The following MAGI2 variants were observed in gnomAD, a reference collection of about 807,000 sequenced individuals.
MAGI2 encodes membrane-associated guanylate kinase, WW and PDZ domain-containing protein 2.
MAGI2 carries 35 observed loss-of-function variants against 133.3 expected under a neutral mutation model. The observed-to-expected ratio is 0.26, with a 90% confidence interval of 0.20 to 0.35. The LOEUF is 0.35. MAGI2 is among the 10% of genes least tolerant of loss of function. MAGI2 has a pLI of 1.00. For synonymous variants in MAGI2, 729 were observed against 710.6 expected (o/e 1.03, Z -0.41); for missense variants, 1,636 against 1,863.4 (o/e 0.88, Z 2.25).
intron 1 of MAGI2, among the ~76,000 whole-genome samples, chr7:79,316,456 T>A (rs557287692): frequency 6.6e-6 from 1 of 152,172 alleles, no homozygotes; most frequent in African/African-American, 2.4e-5. Context: ...TACACACACA[T>A]ATATGTGCAC....
At chr7:78,153,390 G>C (rs569436556) in intron 16 of MAGI2, among the ~76,000 whole-genome samples, 1 of 152,192 alleles carries the variant, frequency 6.6e-6, no homozygotes, top group African/African-American at 2.4e-5. Flanking sequence ...AGGACCAGGC[G>C]TAGAGCCTCC....
chr7:78,208,135 C>CTTTTTTTTT (rs71085515), intron 10 of MAGI2, among the ~76,000 whole-genome samples: 1 of 115,588 alleles, frequency 8.7e-6, no homozygotes. Context: ...CCCAAAGTGG[C>CTTTTTTTTT]TTTTTTTTTT....
chr7:78,901,799 C>G (rs529522238), intron 2 of MAGI2, among the ~76,000 whole-genome samples: 35 of 152,042 alleles, frequency 2.3e-4, no homozygotes, highest in African/African-American at 8.2e-4. Context: ...AAATTTTATT[C>G]TTTCAGGAAA....
chr7:78,945,289 T>C (rs1282207262), intron 2 of MAGI2, among the ~76,000 whole-genome samples: 1 of 152,126 alleles, frequency 6.6e-6, no homozygotes, highest in Non-Finnish European at 1.5e-5. Flanking sequence ...CTCAAACTCC[T>C]GGGCTCAAGA....
At chr7:78,653,443 A>G (rs1007015034) in intron 2 of MAGI2, among the ~76,000 whole-genome samples, 7 of 152,356 alleles carry the variant, frequency 4.6e-5, no homozygotes, top group African/African-American at 1.4e-4. Flanking sequence ...ATTATGGAAT[A>G]CTATCCAGAC....
chr7:79,353,996 C>T (rs990143039), intron 1 of MAGI2: 1 of 153,296 alleles, frequency 6.5e-6, no homozygotes, highest in East Asian at 1.9e-4. Context: ...CACTTCCAGC[C>T]TTGCCTCCTT....
rs150729535 is a variant in MAGI2 at position 78,761,411 on chromosome 7, A to T, written c.419-134172T>A. On this transcript the variant is annotated intron_variant, in intron 2 of 21. Coordinates refer to ENST00000354212, the MANE Select transcript of MAGI2 (RefSeq NM_012301.4). ...AGGTTCTCTGTAATAGTGTTTCCCAAACATCAATGAAGAATTGAACCATCT... is the reference window on the plus strand; with the variant it reads ...AGGTTCTCTGTAATAGTGTTTCCCATACATCAATGAAGAATTGAACCATCT... Among the ~76,000 whole-genome samples, 130 of 152,278 alleles carry T rather than the reference A, an allele frequency of 8.5e-4. No individual in the cohort carries two copies. The East Asian group carries it at 0.011, about 13-fold the overall frequency.
At chr7:78,638,581 G>T (rs1809928200) in intron 2 of MAGI2, among the ~76,000 whole-genome samples, 1 of 152,146 alleles carries the variant, frequency 6.6e-6, no homozygotes, top group African/African-American at 2.4e-5. Context: ...TTCCTTGGTA[G>T]CTATAGTCTT....
At chr7:78,334,894 T>C (rs1048337374) in intron 9 of MAGI2, among the ~76,000 whole-genome samples, 9 of 152,188 alleles carry the variant, frequency 5.9e-5, no homozygotes, top group Non-Finnish European at 1.3e-4. Context: ...GGAATGTCAG[T>C]AAAGGCATGA....
intron 1 of MAGI2, among the ~76,000 whole-genome samples, chr7:79,090,071 T>C (rs1373355415): frequency 6.6e-6 from 1 of 152,020 alleles, no homozygotes; most frequent in Non-Finnish European, 1.5e-5. Flanking sequence ...AGAGAATCAA[T>C]TGCATTTTCC....
chr7:78,612,704 C>T (rs111749793), intron 3 of MAGI2, among the ~76,000 whole-genome samples: 1,590 of 152,048 alleles, frequency 0.01, 24 homozygotes, highest in African/African-American at 0.035. Flanking sequence ...GGGTCTCGCT[C>T]TGTCGCCCAG....
chr7:78,632,634 G>C (rs891674867), intron 2 of MAGI2, among the ~76,000 whole-genome samples: 1 of 152,172 alleles, frequency 6.6e-6, no homozygotes, highest in Non-Finnish European at 1.5e-5. Flanking sequence ...AGGTATTTCT[G>C]AACTATCAAA....
At chr7:78,762,642 T>C (rs1229228075) in intron 2 of MAGI2, among the ~76,000 whole-genome samples, 1 of 152,186 alleles carries the variant, frequency 6.6e-6, no homozygotes, top group Non-Finnish European at 1.5e-5. Context: ...GTAATGGACA[T>C]AGGAAGATAG....
At chr7:79,163,735 T>C (rs143315214) in intron 1 of MAGI2, among the ~76,000 whole-genome samples, 1 of 152,188 alleles carries the variant, frequency 6.6e-6, no homozygotes, top group African/African-American at 2.4e-5. Flanking sequence ...GCTTGGGTTG[T>C]TTACTGCCCT....
intron 1 of MAGI2, among the ~76,000 whole-genome samples, chr7:79,386,214 A>G (rs1207187275): frequency 1.3e-5 from 2 of 152,004 alleles, no homozygotes; most frequent in African/African-American, 4.8e-5. Flanking sequence ...GGTTATCTGT[A>G]GGTACGTCAA....
intron 21 of MAGI2, chr7:78,026,221 G>A (rs574763276): frequency 6.6e-6 from 1 of 152,254 alleles, no homozygotes; most frequent in East Asian, 1.9e-4. Context: ...TCTTGTAGGA[G>A]CCCAGCAATA....
intron 20 of MAGI2, among the ~76,000 whole-genome samples, chr7:78,097,788 C>G (rs1817845248): frequency 6.6e-6 from 1 of 151,950 alleles, no homozygotes; most frequent in South Asian, 2.1e-4. Flanking sequence ...ATGTAACAAA[C>G]CTTCACATGT....
chr7:78,250,239 T>C (rs1019513692), intron 10 of MAGI2, among the ~76,000 whole-genome samples: 3 of 151,958 alleles, frequency 2.0e-5, no homozygotes, highest in South Asian at 2.1e-4. Flanking sequence ...AAATCAACAA[T>C]AGAAAAAGAT....
chr7:78,466,835 A>G (rs1320654591), intron 6 of MAGI2, among the ~76,000 whole-genome samples: 1 of 152,028 alleles, frequency 6.6e-6, no homozygotes. Context: ...CTCGGCAGAG[A>G]GTGGGATGGG....
Sources: gnomAD v4.1 joint callset for allele counts (sites outside exome capture counted in the v4.1 genomes callset) on GRCh38, gnomAD v4.1.1 for gene constraint, MANE v1.5 for transcripts, NCBI Gene and HGNC (gene_info 2026-07-23, HGNC 2026-07-21) for gene names.